Variants in CSMD2 observed in about 807,000 individuals in gnomAD.
The protein encoded by CSMD2 is CUB and Sushi multiple domains 2, also known as CUB and sushi domain-containing protein 2.
Under a neutral mutation model 398.5 loss-of-function variants are expected in CSMD2, and 130 were observed. The ratio of observed to expected loss-of-function variants is 0.33; its 90% CI spans 0.28 to 0.38. The LOEUF (loss-of-function observed/expected upper bound fraction) is 0.38, where lower values mean the gene tolerates loss of function less well. Ranked by LOEUF, CSMD2 falls within the 10% of genes least tolerant of loss-of-function variation. The pLI, the probability that CSMD2 is intolerant of heterozygous loss-of-function variation, is 1.00. For synonymous variants in CSMD2, 1,828 were observed against 1,908.5 expected (o/e 0.96, Z 1.10); for missense variants, 3,829 against 4,764.9 (o/e 0.80, Z 5.78).
intron 3 of CSMD2, among the ~76,000 whole-genome samples, chr1:33,939,628 TAA>T (rs1159362294): frequency 2.0e-5 from 3 of 152,226 alleles, no homozygotes; most frequent in African/African-American, 7.2e-5. Context: ...TCACTATAAA[TAA>T]AAGTCGATTC....
chr1:34,088,928 TG>T, intron 2 of CSMD2, 48 bp downstream of exon 2: 1 of 1,464,246 alleles, frequency 6.8e-7, no homozygotes, highest in East Asian at 2.3e-5. Flanking sequence ...CTAGTGAGCT[TG>T]GCTCATAGCC....
At chr1:33,833,030 G>T (rs1659788975) in intron 6 of CSMD2, among the ~76,000 whole-genome samples, 1 of 147,716 alleles carries the variant, frequency 6.8e-6, no homozygotes, top group Non-Finnish European at 1.5e-5. Flanking sequence ...ACCAAAAAGA[G>T]TCCAGGACCA....
intron 1 of CSMD2, among the ~76,000 whole-genome samples, chr1:34,100,185 T>C (rs1659809922): frequency 6.6e-6 from 1 of 152,146 alleles, no homozygotes; most frequent in African/African-American, 2.4e-5. Flanking sequence ...AATCTTCAAT[T>C]TAAAAAGGCA....
chr1:33,916,881 C>T (rs953611579), intron 5 of CSMD2, among the ~76,000 whole-genome samples: 6 of 152,154 alleles, frequency 3.9e-5, no homozygotes, highest in South Asian at 2.1e-4. Flanking sequence ...GTGTTCCTAC[C>T]GCCATGAAAC....
chr1:34,052,627 A>T (rs753173494), intron 2 of CSMD2, among the ~76,000 whole-genome samples: 1 of 151,868 alleles, frequency 6.6e-6, no homozygotes, highest in Non-Finnish European at 1.5e-5. Context: ...CAGCTCATTT[A>T]TATGTGTGTA....
At chr1:33,735,345 C>T (rs1430958640) in intron 15 of CSMD2, among the ~76,000 whole-genome samples, 1 of 152,142 alleles carries the variant, frequency 6.6e-6, no homozygotes, top group Non-Finnish European at 1.5e-5. Flanking sequence ...GACACTTATC[C>T]TAGTGGGGTA....
intron 23 of CSMD2, 59 bp from the exon 24 acceptor site, chr1:33,699,003 C>T: frequency 1.4e-6 from 2 of 1,441,504 alleles, no homozygotes. Flanking sequence ...ACCATGCTTC[C>T]TCTCTTCCCT....
rs560535335 is a variant in CSMD2, at chr1:33,544,854, T to C, written c.9100+1183A>G. On this transcript the variant is annotated intron_variant, in intron 57 of 70. Transcript: ENST00000373381. ...ATTTATATATATATATATATATATA[T>C]ACACATATAATCTCTGCCTCACATT... Among the ~76,000 whole-genome samples the C allele has an allele frequency of 7.6e-3, 708 of 93,382 alleles. 6 individuals are homozygous for C. The Middle Eastern group carries it at 0.085, about 11-fold the overall frequency. 61.3% of individuals were successfully genotyped at this position (93,382 alleles called of 152,430 possible). A position where few individuals can be genotyped will look rare whatever the true frequency, so the allele number is the denominator to read the frequency against.
intron 25 of CSMD2, among the ~76,000 whole-genome samples, chr1:33,689,214 G>C (rs1041710736): frequency 6.6e-6 from 1 of 152,158 alleles, no homozygotes; most frequent in Non-Finnish European, 1.5e-5. Flanking sequence ...ATGGCAGACT[G>C]GGGTGGGAGA....
chr1:33,519,593 G>A lies in CSMD2; in HGVS notation c.10821C>T (p.Asp3607=), dbSNP rs754553648. 1 of 1,614,142 alleles carries A rather than the reference G, an allele frequency of 6.2e-7. No individual in the cohort carries two copies. The highest frequency in any genetic ancestry group is 1.7e-5 in the Admixed American group (1 of 60,022). Residue 3607 remains aspartate (D), a synonymous_variant, in exon 70 of 71, where the codon GAC becomes GAT. Coordinates refer to ENST00000373381, the MANE Select transcript of CSMD2 (RefSeq NM_001281956.2). This position sits in a 1 kb window ranked among gnomAD's most constrained non-coding sequence, Gnocchi z 5.6. ...VRATFENPMY[D]RNIQPTDIMA... is the part of the protein sequence containing the mutation. The stretch of plus-strand genomic sequence containing the variant: ...TGATGTCTGTGGGCTGGATGTTGCG[G>A]TCGTACATTGGGTTCTCAAATGTGG...
chr1:33,844,200 T>A (rs147899458), intron 6 of CSMD2, among the ~76,000 whole-genome samples: 2 of 152,122 alleles, frequency 1.3e-5, no homozygotes, highest in African/African-American at 4.8e-5. Context: ...TCCTTCAGAG[T>A]AGTAGTTGTC....
At chr1:33,957,665 T>C (rs1367419029) in intron 3 of CSMD2, among the ~76,000 whole-genome samples, 4 of 151,976 alleles carry the variant, frequency 2.6e-5, no homozygotes, top group African/African-American at 9.7e-5. Context: ...TGAGAAGGTC[T>C]AGGAAGGGCA....
At chr1:33,899,513 G>A (rs2125232014) in intron 5 of CSMD2, among the ~76,000 whole-genome samples, 1 of 152,262 alleles carries the variant, frequency 6.6e-6, no homozygotes, top group Non-Finnish European at 1.5e-5. Flanking sequence ...AGGCACAAAG[G>A]AAAAATCAGT....
rs147239083 is a variant in CSMD2 at position 34,155,613 on chromosome 1, T to C, written c.187+9298A>G. The stretch of plus-strand genomic sequence containing the variant: ...CCCACAGGCCACTGGAGGGTAAGAA[T>C]GGATCAAGGCCAAGAAGCTCAGCAA... On this transcript the variant is annotated intron_variant, in intron 1 of 70. Coordinates refer to ENST00000373381, the MANE Select transcript of CSMD2 (RefSeq NM_001281956.2). Among the ~76,000 whole-genome samples the C allele has an allele frequency of 1.4e-3, 216 of 152,226 alleles. 1 individual carries two copies. The highest frequency in any genetic ancestry group is 4.7e-3 in the African/African-American group (196 of 41,540).
intron 2 of CSMD2, among the ~76,000 whole-genome samples, chr1:34,039,735 T>A (rs1651610094): frequency 6.6e-6 from 1 of 152,194 alleles, no homozygotes; most frequent in South Asian, 2.1e-4. Context: ...CTGAGCAGGT[T>A]TAGGATTGCC....
chr1:33,577,157 A>G (rs867766896), intron 49 of CSMD2, 139 bp downstream of exon 49: 1 of 806,332 alleles, frequency 1.2e-6, no homozygotes, highest in East Asian at 2.7e-5. Flanking sequence ...CGCACTACAG[A>G]TCTTGTAAAT....
intron 54 of CSMD2, 66 bp from the exon 55 acceptor site, chr1:33,557,988 T>G (rs1301041618): frequency 1.4e-6 from 2 of 1,418,470 alleles, no homozygotes; most frequent in Non-Finnish European, 1.9e-6. Flanking sequence ...CGAGCAAAAC[T>G]AGGCAATGAA....
rs1227506479 is a variant in CSMD2 at position 33,537,878 on chromosome 1, T to G, written c.9632-269A>C. On this transcript the variant is annotated intron_variant, in intron 60 of 70. Transcript: ENST00000373381. The surrounding 1 kb of genome is among the most constrained non-coding windows in gnomAD (Gnocchi z 4.6). Reference sequence around the variant, plus strand: ...GGAAGTTTAGAACATGAAAGAGAAATAAACGAAAATCCCACTATTCAAAAC... The same window carrying G: ...GGAAGTTTAGAACATGAAAGAGAAAGAAACGAAAATCCCACTATTCAAAAC... 6.6e-6 allele frequency among the ~76,000 whole-genome samples: 1 copy of G among 152,192 alleles called. No individual in the cohort carries two copies. The highest frequency in any genetic ancestry group is 2.4e-5 in the African/African-American group (1 of 41,456).
chr1:34,067,816 T>C (rs543940933), intron 2 of CSMD2, among the ~76,000 whole-genome samples: 2 of 152,324 alleles, frequency 1.3e-5, no homozygotes, highest in South Asian at 4.1e-4. Context: ...TAAAGGTCAC[T>C]CTGAAGATGC....
Sources: allele counts gnomAD v4.1 joint callset (sites outside exome capture counted in the v4.1 genomes callset), GRCh38; gene constraint gnomAD v4.1.1; non-coding constraint Gnocchi (gnomAD v3.1); transcripts MANE v1.5; gene names NCBI Gene and HGNC (gene_info 2026-07-23, HGNC 2026-07-21).